RNF24: variants seen among roughly 807,000 people sequenced by gnomAD.
RNF24 encodes ring finger protein 24.
RNF24 carries 14 observed loss-of-function variants against 20.0 expected under a neutral mutation model. The ratio of observed to expected loss-of-function variants is 0.70; its 90% CI spans 0.46 to 1.10. The LOEUF is 1.10. Ranked by LOEUF, RNF24 falls within the 50% of genes least tolerant of loss-of-function variation. The probability of loss-of-function intolerance (pLI) is 0.00; values close to 1 mark genes in which losing one functional copy is unlikely to be tolerated. For missense variants in RNF24, 124 were observed against 177.6 expected, an observed-to-expected ratio of 0.70 and a Z score of 1.71; for synonymous variants, 45 against 61.1, an observed-to-expected ratio of 0.74 and a Z score of 1.23.
chr20:4,008,380 A>AATAT (rs1320067132), intron 1 of RNF24, among the ~76,000 whole-genome samples: 1 of 15,228 alleles, frequency 6.6e-5, no homozygotes, highest in African/African-American at 2.7e-4. Flanking sequence ...TTATATATAT[A>AATAT]ATATATATAT....
At chr20:3,960,363 A>C (rs2091187985) in intron 2 of RNF24, among the ~76,000 whole-genome samples, 1 of 152,204 alleles carries the variant, frequency 6.6e-6, no homozygotes, top group Admixed American at 6.5e-5. Flanking sequence ...AAAGCTCCTT[A>C]CCTCATGATT....
chr20:3,999,411 C>T (rs532495658), intron 1 of RNF24, among the ~76,000 whole-genome samples: 59 of 152,156 alleles, frequency 3.9e-4, no homozygotes, highest in Non-Finnish European at 6.9e-4. Flanking sequence ...GGGCTTTTCT[C>T]GTCATTTGTG....
At chr20:3,943,034 T>C (rs1426914981) in intron 4 of RNF24, among the ~76,000 whole-genome samples, 1 of 151,922 alleles carries the variant, frequency 6.6e-6, no homozygotes, top group Non-Finnish European at 1.5e-5. Flanking sequence ...CAGGCTGGTC[T>C]TGAACTCCTG....
chr20:3,969,362 T>TTAGCACA (rs1218164443), intron 1 of RNF24, among the ~76,000 whole-genome samples: 7 of 152,202 alleles, frequency 4.6e-5, no homozygotes, highest in Admixed American at 4.6e-4. Context: ...GGACATTAAG[T>TTAGCACA]TGGACAGAAG....
Position 3,996,608 on chromosome 20 carries a change from T to C in RNF24, c.-8+18829A>G, listed in dbSNP as rs1381394786. Among the ~76,000 whole-genome samples the C allele has an allele frequency of 3.9e-5, 6 of 152,312 alleles. No homozygotes were observed. In the East Asian group the frequency reaches 9.7e-4, roughly 25 times the overall value. On this transcript the variant is annotated intron_variant, in intron 1 of 5. Transcript: ENST00000358395. ...TCTTCCACTTAATTAGAATTTTTGG[T>C]TGGGCATGTGACTACACTTCCTAGC...
intron 2 of RNF24, among the ~76,000 whole-genome samples, chr20:3,955,727 CTG>C (rs1187265572): frequency 6.6e-6 from 1 of 152,160 alleles, no homozygotes; most frequent in Non-Finnish European, 1.5e-5. Flanking sequence ...AATATTGACA[CTG>C]TAACTATATA....
chr20:3,947,382 A>C (rs2091031618), intron 3 of RNF24, among the ~76,000 whole-genome samples: 1 of 152,236 alleles, frequency 6.6e-6, no homozygotes, highest in Non-Finnish European at 1.5e-5. Context: ...GAAGAAAAAA[A>C]TAATTTTACT....
chr20:3,949,060 C>A (rs993090030), intron 2 of RNF24, among the ~76,000 whole-genome samples: 3 of 152,040 alleles, frequency 2.0e-5, no homozygotes, highest in Non-Finnish European at 4.4e-5. Flanking sequence ...AAGTATATAC[C>A]CGGGAGTAGA....
chr20:3,935,673 G>T (rs995278349), intron 4 of RNF24, among the ~76,000 whole-genome samples: 1 of 152,210 alleles, frequency 6.6e-6, no homozygotes, highest in Non-Finnish European at 1.5e-5. Flanking sequence ...ACTGCTCTCA[G>T]CCAATGACTA....
intron 2 of RNF24, among the ~76,000 whole-genome samples, chr20:3,955,663 A>G (rs992443340): frequency 6.6e-6 from 1 of 152,186 alleles, no homozygotes; most frequent in Non-Finnish European, 1.5e-5. Context: ...TCTGTAAAAA[A>G]AGGCCATTAG....
intron 1 of RNF24, among the ~76,000 whole-genome samples, chr20:3,977,669 TC>T (rs1426714172): frequency 6.6e-6 from 1 of 151,722 alleles, no homozygotes; most frequent in Non-Finnish European, 1.5e-5. Context: ...ATCGAGACCA[TC>T]CTGGCTAACA....
At chr20:3,996,410 A>C (rs1980869121) in intron 1 of RNF24, among the ~76,000 whole-genome samples, 1 of 152,184 alleles carries the variant, frequency 6.6e-6, no homozygotes, top group Admixed American at 6.5e-5. Context: ...CTCCGAATGG[A>C]CATTTCCATT....
intron 1 of RNF24, among the ~76,000 whole-genome samples, chr20:3,974,772 A>T (rs1247040321): frequency 6.6e-6 from 1 of 152,216 alleles, no homozygotes; most frequent in East Asian, 1.9e-4. Context: ...AATCTAAATA[A>T]ATGCAGAGAC....
intron 1 of RNF24, among the ~76,000 whole-genome samples, chr20:3,975,706 A>G (rs1405641977): frequency 2.0e-5 from 3 of 152,196 alleles, no homozygotes; most frequent in Non-Finnish European, 2.9e-5. Context: ...GAGTAATCCA[A>G]TATGACTGGT....
rs1399452362 is a variant in RNF24 at position 3,929,994 on chromosome 20, TGTCTG to T, written c.*4064_*4068del. ...AGTAGGAGCGTTCCTTGAATACACT[TGTCTG>T]GTATCACATGAGTAGAAAAGGAGAA... is the stretch of plus-strand genomic sequence containing the variant. On this transcript the variant is annotated 3_prime_UTR_variant, in exon 6 of 6. Transcript: ENST00000358395. The T allele has an allele frequency of 6.6e-6, 1 of 152,230 alleles. No individual in the cohort carries two copies. The highest frequency in any genetic ancestry group is 1.5e-5 in the Non-Finnish European group (1 of 68,036). 9.4% of individuals were successfully genotyped at this position (152,230 alleles called of 1,614,324 possible). A position where few individuals can be genotyped will look rare whatever the true frequency, so the allele number is the denominator to read the frequency against.
At chr20:3,951,041 C>T (rs2300218) in intron 2 of RNF24, among the ~76,000 whole-genome samples, 5,177 of 152,196 alleles carry the variant, frequency 0.034, 247 homozygotes, top group East Asian at 0.24. Context: ...CTGCAAGCTC[C>T]GCCTCCTGGG....
At chr20:4,013,090 GATTT>G (rs1982593681) in intron 1 of RNF24, among the ~76,000 whole-genome samples, 1 of 151,056 alleles carries the variant, frequency 6.6e-6, no homozygotes, top group Non-Finnish European at 1.5e-5. Flanking sequence ...TTGATATTAA[GATTT>G]TATTTAAATC....
chr20:4,007,041 A>T (rs1052120008), intron 1 of RNF24, among the ~76,000 whole-genome samples: 2 of 152,252 alleles, frequency 1.3e-5, no homozygotes, highest in Non-Finnish European at 1.5e-5. Flanking sequence ...CAGATAATTG[A>T]AGGAGTCCCC....
rs1478248208 is a variant in RNF24, at chr20:3,929,988, T to TACAC, written c.*4071_*4074dup. 6.6e-6 allele frequency: 1 copy of TACAC among 152,220 alleles called. No homozygotes were observed. Among genetic ancestry groups the TACAC allele is most frequent in the Non-Finnish European group, 1.5e-5 (1 of 68,042 alleles). 9.4% of individuals were successfully genotyped at this position (152,220 alleles called of 1,614,324 possible). Reference sequence around the variant, plus strand: ...CACATTAGTAGGAGCGTTCCTTGAATACACTTGTCTGGTATCACATGAGTA... The same window carrying TACAC: ...CACATTAGTAGGAGCGTTCCTTGAATACACACACTTGTCTGGTATCACATGAGTA... On this transcript the variant is annotated 3_prime_UTR_variant, in exon 6 of 6. Transcript: ENST00000358395.
Sources: gnomAD v4.1 joint callset for allele counts (sites outside exome capture counted in the v4.1 genomes callset) on GRCh38, gnomAD v4.1.1 for gene constraint, MANE v1.5 for transcripts, NCBI Gene and HGNC (gene_info 2026-07-23, HGNC 2026-07-21) for gene names.